The following LYPD5 variants were observed in gnomAD, a reference collection of about 807,000 sequenced individuals.
LYPD5 encodes ly6/PLAUR domain-containing protein 5.
In LYPD5, 21 loss-of-function variants were observed where a neutral mutation model predicts 19.1. The observed-to-expected ratio is 1.10, with a 90% CI of 0.78 to 1.58. The LOEUF is 1.58. Ranked by LOEUF, LYPD5 falls within the 40% of genes most tolerant of loss-of-function variation. The probability of loss-of-function intolerance (pLI) is 0.00; values close to 1 mark genes in which losing one functional copy is unlikely to be tolerated. For missense variants in LYPD5, 287 were observed against 329.8 expected (o/e 0.87, Z 1.00); for synonymous variants, 128 against 142.7 (o/e 0.90, Z 0.74).
At chr19:43,798,767 C>CCT (rs1568403148) in intron 3 of LYPD5, 45 bp downstream of exon 3, 2 of 1,578,302 alleles carry the variant, frequency 1.3e-6, no homozygotes, top group Non-Finnish European at 1.7e-6. Flanking sequence ...GGCTGCCAGG[C>CCT]CTCTCATCGT....
intron 1 of LYPD5, among the ~76,000 whole-genome samples, chr19:43,813,615 A>G (rs1323349352): frequency 6.6e-6 from 1 of 152,184 alleles, no homozygotes; most frequent in Non-Finnish European, 1.5e-5. Flanking sequence ...GGACTGACTT[A>G]CTTTCATGGG....
chr19:43,799,623 C>T, intron 2 of LYPD5, 83 bp downstream of exon 2: 2 of 1,369,740 alleles, frequency 1.5e-6, no homozygotes, highest in Non-Finnish European at 2.0e-6. Context: ...ATCTTCTACT[C>T]AATTCCCCTC....
Position 43,798,924 on chromosome 19 carries a change from C to A in LYPD5, c.258G>T (p.Thr86=), listed in dbSNP as rs144835978. Residue 86 remains threonine, a synonymous_variant, in exon 3 of 5, where the codon ACG becomes ACT. Coordinates refer to ENST00000377950, the MANE Select transcript of LYPD5 (RefSeq NM_001031749.3). ...GCGGCAGCGCGTCCGCGTTCGATTGCGTCTGGCCCGCAGGAGGCCCGGTCC... is the reference window on the plus strand; with the variant it reads ...GCGGCAGCGCGTCCGCGTTCGATTGAGTCTGGCCCGCAGGAGGCCCGGTCC... ...GCWTGPPAGQ[T]QSNADALPPD... 4 of 1,594,484 alleles carry A rather than the reference C, an allele frequency of 2.5e-6. No homozygotes were observed. In the Admixed American group the frequency reaches 7.1e-5, roughly 28 times the overall value.
chr19:43,805,754 C>T (rs1320204694), upstream of LYPD5, among the ~76,000 whole-genome samples: 4 of 152,108 alleles, frequency 2.6e-5, no homozygotes, highest in South Asian at 2.1e-4. Context: ...GTGATCCACC[C>T]GCCTCGGCCT....
At chr19:43,804,671 T>C (rs528441654), upstream of LYPD5, among the ~76,000 whole-genome samples, 1 of 152,258 alleles carries the variant, frequency 6.6e-6, no homozygotes, top group Admixed American at 6.5e-5. Context: ...AGGCCTCACT[T>C]CCCAGAACCT....
At position 43,797,519 on chromosome 19, in the gene LYPD5, G is replaced by T; in HGVS notation, c.*72C>A. The T allele has an allele frequency of 1.7e-6, 2 of 1,175,174 alleles. No individual in the cohort carries two copies. Among genetic ancestry groups the T allele is most frequent in the Non-Finnish European group, 2.4e-6 (2 of 820,490 alleles). The allele number at this position is 1,175,174 out of a possible 1,614,324, so 72.8% of individuals were successfully genotyped here. On this transcript the variant is annotated 3_prime_UTR_variant, in exon 5 of 5. Transcript: ENST00000377950. ...TTACTTTAACATCATTTTCCAGTGA[G>T]CTATGTGATAGGGGCTGAAGCAGCA...
At chr19:43,799,684 TC>T (rs761637505) in intron 2 of LYPD5, 21 bp downstream of exon 2, 15 of 1,605,696 alleles carry the variant, frequency 9.3e-6, no homozygotes, top group Admixed American at 3.4e-5. Context: ...CTCATCCCTG[TC>T]CCCCGGCTCC....
chr19:43,798,692 G>A (rs1970172556), intron 3 of LYPD5, 91 bp from the exon 4 acceptor site: 1 of 1,565,414 alleles, frequency 6.4e-7, no homozygotes, highest in Non-Finnish European at 8.7e-7. Context: ...CGCCTAGCAC[G>A]TCTCGGGGGT....
At chr19:43,801,037 GA>G (rs4027763) in intron 1 of LYPD5, among the ~76,000 whole-genome samples, 7,370 of 132,104 alleles carry the variant, frequency 0.056, 424 homozygotes, top group East Asian at 0.26. Context: ...TACATGGAGA[GA>G]AAAAAAAAAA....
chr19:43,802,422 G>A lies in LYPD5; in HGVS notation c.-42C>T. On this transcript the variant is annotated 5_prime_UTR_variant, in exon 1 of 5. Coordinates refer to ENST00000377950, the MANE Select transcript of LYPD5 (RefSeq NM_001031749.3). ...CTGGGACAGCTCCTCCCGCTGTGAT[G>A]TGCTGCCTGGCTGGTTCTCCTTACT... The A allele has an allele frequency of 6.5e-7, 1 of 1,538,858 alleles. No homozygotes were observed. The highest frequency in any genetic ancestry group is 8.8e-7 in the Non-Finnish European group (1 of 1,135,576).
At chr19:43,798,159 T>TTGCCTCCTCCCTCAGACCAGGGTCA (rs1308729146) in intron 4 of LYPD5, among the ~76,000 whole-genome samples, 18 of 44,116 alleles carry the variant, frequency 4.1e-4, no homozygotes, top group African/African-American at 1.5e-3. Context: ...GACCAGGGTC[T>TTGCCTCCTCCCTCAGACCAGGGTCA]TGCCTCCTCC....
At chr19:43,798,429 G>A in intron 4 of LYPD5, 26 bp downstream of exon 4, 1 of 1,602,648 alleles carries the variant, frequency 6.2e-7, no homozygotes, top group Non-Finnish European at 8.5e-7. Context: ...CCTTGCCCAG[G>A]CCCTTCCACC....
chr19:43,798,822 GT>G lies in LYPD5; in HGVS notation c.359del (p.Asn120ThrfsTer2). On this transcript the variant is annotated frameshift_variant, in exon 3 of 5. Coordinates refer to ENST00000377950, the MANE Select transcript of LYPD5 (RefSeq NM_001031749.3). LOFTEE classifies it high-confidence loss of function. ...CGCTCTCCCGCGCACCTTGGCTCAGGTTGGGGAGGGCGTCATGAGTCATGAG... is the reference window on the plus strand; with the variant it reads ...CGCTCTCCCGCGCACCTTGGCTCAGGTGGGGAGGGCGTCATGAGTCATGAG... The part of the protein sequence containing the change: ...AHLMTHDALP[N>X]LSQAPDPPTL... The G allele has an allele frequency of 6.2e-7, 1 of 1,609,604 alleles. No individual in the cohort carries two copies. Among genetic ancestry groups the G allele is most frequent in the Non-Finnish European group, 8.5e-7 (1 of 1,178,054 alleles).
At chr19:43,803,711 T>C (rs1030277060), upstream of LYPD5, among the ~76,000 whole-genome samples, 2 of 152,082 alleles carry the variant, frequency 1.3e-5, no homozygotes, top group African/African-American at 4.8e-5. Flanking sequence ...TTTATTGTTT[T>C]TTGGTTTCAA....
chr19:43,819,974 T>C (rs1194382199), intron 1 of LYPD5, among the ~76,000 whole-genome samples: 3 of 146,940 alleles, frequency 2.0e-5, no homozygotes, highest in East Asian at 2.0e-4. Flanking sequence ...CTTCAATTAT[T>C]GGACAATACT....
At chr19:43,804,685 T>A (rs1970256002), upstream of LYPD5, among the ~76,000 whole-genome samples, 1 of 152,194 alleles carries the variant, frequency 6.6e-6, no homozygotes, top group Admixed American at 6.5e-5. Context: ...AGAACCTGTT[T>A]TGCATACAAA....
At chr19:43,804,975 T>A (rs903923359), upstream of LYPD5, among the ~76,000 whole-genome samples, 1 of 152,202 alleles carries the variant, frequency 6.6e-6, no homozygotes, top group Non-Finnish European at 1.5e-5. Context: ...ATTCAGGTAC[T>A]TTTGGAGACT....
At chr19:43,801,346 C>T (rs1400427162) in intron 1 of LYPD5, among the ~76,000 whole-genome samples, 1 of 151,998 alleles carries the variant, frequency 6.6e-6, no homozygotes, top group Non-Finnish European at 1.5e-5. Context: ...CAAAATCATA[C>T]AAAAATTAGC....
chr19:43,804,182 T>C (rs979139285), upstream of LYPD5, among the ~76,000 whole-genome samples: 35 of 152,172 alleles, frequency 2.3e-4, no homozygotes, highest in African/African-American at 8.2e-4. Flanking sequence ...CCTGGTCTCT[T>C]GCCAGCGTTA....
Sources: gnomAD v4.1 joint callset for allele counts (sites outside exome capture counted in the v4.1 genomes callset) on GRCh38, gnomAD v4.1.1 for gene constraint, MANE v1.5 for transcripts, NCBI Gene and HGNC (gene_info 2026-07-23, HGNC 2026-07-21) for gene names.